The following RYR3 variants were observed in gnomAD, a reference collection of about 807,000 sequenced individuals.
RYR3 encodes brain ryanodine receptor-calcium release channel.
In RYR3, 207 loss-of-function variants were observed where a neutral mutation model predicts 584.3. That is an observed-to-expected ratio of 0.35 (90% CI 0.32 to 0.40). The LOEUF is 0.40. RYR3 is among the 10% of genes least tolerant of loss of function. The pLI is 1.00. For missense variants in RYR3, 5,616 were observed against 6,089.2 expected, an observed-to-expected ratio of 0.92 and a Z score of 2.59; for synonymous variants, 2,416 against 2,248.5, an observed-to-expected ratio of 1.07 and a Z score of -2.11.
At chr15:33,491,248 A>G (rs2050938691) in intron 2 of RYR3, among the ~76,000 whole-genome samples, 1 of 152,232 alleles carries the variant, frequency 6.6e-6, no homozygotes, top group African/African-American at 2.4e-5. Context: ...CGACTTCATT[A>G]GCAGCACATT....
chr15:33,797,629 G>C (rs1021102238), intron 67 of RYR3, among the ~76,000 whole-genome samples: 2 of 151,998 alleles, frequency 1.3e-5, no homozygotes, highest in Non-Finnish European at 2.9e-5. Context: ...AGCTGAAACC[G>C]CATTCTCACA....
intron 1 of RYR3, among the ~76,000 whole-genome samples, chr15:33,312,794 T>G (rs964088075): frequency 6.6e-6 from 1 of 152,204 alleles, no homozygotes; most frequent in African/African-American, 2.4e-5. Context: ...GTGAGATCCT[T>G]ATGCTTTTCT....
chr15:33,547,293 C>T (rs529442633), intron 8 of RYR3, among the ~76,000 whole-genome samples: 33 of 152,226 alleles, frequency 2.2e-4, no homozygotes, highest in African/African-American at 7.5e-4. Context: ...TCAGAGGAAA[C>T]GGGAGACATG....
intron 1 of RYR3, among the ~76,000 whole-genome samples, chr15:33,312,945 G>A (rs1038896778): frequency 9.9e-5 from 15 of 152,166 alleles, no homozygotes; most frequent in African/African-American, 3.6e-4. Context: ...TGGGCTTCCT[G>A]CCCTAGAGAT....
chr15:33,375,685 C>T (rs1708500642), intron 1 of RYR3, among the ~76,000 whole-genome samples: 2 of 152,200 alleles, frequency 1.3e-5, no homozygotes, highest in Admixed American at 6.5e-5. Flanking sequence ...AATTTTTACA[C>T]AGTAAAATGC....
intron 1 of RYR3, among the ~76,000 whole-genome samples, chr15:33,399,188 A>C (rs908290795): frequency 2.0e-5 from 3 of 152,208 alleles, no homozygotes; most frequent in African/African-American, 7.2e-5. Context: ...TCATTTTTGA[A>C]ATGGAGCTAA....
intron 76 of RYR3, among the ~76,000 whole-genome samples, chr15:33,819,118 C>T (rs192819179): frequency 6.3e-4 from 96 of 151,590 alleles, no homozygotes; most frequent in African/African-American, 1.9e-3. Context: ...AGCAAAACTC[C>T]GTCTCCAGAA....
At chr15:33,755,209 G>T (rs76911447) in intron 58 of RYR3, 29 bp downstream of exon 58, 32,629 of 1,201,818 alleles carry the variant, frequency 0.027, 580 homozygotes, top group East Asian at 0.054. Context: ...TAACCCAAAA[G>T]AATTCAATAT....
chr15:33,419,831 T>A (rs997260820), intron 1 of RYR3, among the ~76,000 whole-genome samples: 17 of 152,160 alleles, frequency 1.1e-4, no homozygotes, highest in African/African-American at 4.1e-4. Context: ...AGGGCGCTGG[T>A]GTTGATGTAC....
chr15:33,336,484 G>A (rs377440629), intron 1 of RYR3, among the ~76,000 whole-genome samples: 1,457 of 22,288 alleles, frequency 0.065, 414 homozygotes, highest in African/African-American at 0.43. Flanking sequence ...GAGAGAGAGA[G>A]AGAAAGAAAG....
intron 19 of RYR3, among the ~76,000 whole-genome samples, chr15:33,618,580 C>G (rs560511776): frequency 1.3e-5 from 2 of 152,184 alleles, no homozygotes; most frequent in East Asian, 3.9e-4. Flanking sequence ...AATTATGAAT[C>G]GTGACTTACG....
chr15:33,794,718 C>T (rs1160475084), intron 67 of RYR3, among the ~76,000 whole-genome samples: 5 of 152,120 alleles, frequency 3.3e-5, no homozygotes, highest in Admixed American at 2.0e-4. Flanking sequence ...GCATTACGGT[C>T]ATATGAGCTG....
At chr15:33,740,517 A>G (rs1434216622) in intron 51 of RYR3, among the ~76,000 whole-genome samples, 2 of 152,062 alleles carry the variant, frequency 1.3e-5, no homozygotes, top group Non-Finnish European at 2.9e-5. Context: ...TAGCCCTACC[A>G]TTGCACCTTT....
intron 23 of RYR3, among the ~76,000 whole-genome samples, chr15:33,631,604 G>A (rs898059028): frequency 6.6e-6 from 1 of 152,168 alleles, no homozygotes; most frequent in Admixed American, 6.5e-5. Context: ...GCTGAAAAGT[G>A]GTTCCCAGCC....
intron 3 of RYR3, among the ~76,000 whole-genome samples, chr15:33,506,729 C>T (rs549505685): frequency 2.6e-5 from 4 of 152,258 alleles, no homozygotes; most frequent in Non-Finnish European, 4.4e-5. Flanking sequence ...CTCACAATTC[C>T]GTCTGGGCTC....
At chr15:33,844,595 A>G (rs1325723445) in intron 92 of RYR3, among the ~76,000 whole-genome samples, 2 of 152,182 alleles carry the variant, frequency 1.3e-5, no homozygotes, top group Non-Finnish European at 2.9e-5. Context: ...GATTATAAGC[A>G]TATGTAGTAA....
intron 17 of RYR3, 148 bp from the exon 18 acceptor site, chr15:33,602,975 G>T: frequency 1.2e-6 from 1 of 822,238 alleles, no homozygotes; most frequent in Non-Finnish European, 1.9e-6. Flanking sequence ...GGCTTTTAGA[G>T]ATCCCTCCCA....
intron 81 of RYR3, among the ~76,000 whole-genome samples, chr15:33,824,796 GCTATGTT>G (rs1317998314): frequency 6.6e-6 from 1 of 152,164 alleles, no homozygotes; most frequent in Non-Finnish European, 1.5e-5. Flanking sequence ...TTTCCTAAGA[GCTATGTT>G]CTATGTTCTA....
chr15:33,516,615 C>T (rs1035792275), intron 3 of RYR3, among the ~76,000 whole-genome samples: 2 of 152,064 alleles, frequency 1.3e-5, no homozygotes, highest in Non-Finnish European at 2.9e-5. Context: ...TGATTATAGG[C>T]GTGTGCCACC....
Sources: gnomAD v4.1 joint callset for allele counts (sites outside exome capture counted in the v4.1 genomes callset) on GRCh38, gnomAD v4.1.1 for gene constraint, MANE v1.5 for transcripts, NCBI Gene and HGNC (gene_info 2026-07-23, HGNC 2026-07-21) for gene names.